The following ANKS1B variants were observed in gnomAD, a reference collection of about 807,000 sequenced individuals.
ANKS1B encodes the protein ankyrin repeat and sterile alpha motif domain containing 1B.
In ANKS1B, 36 loss-of-function variants were observed where a neutral mutation model predicts 148.3. That is an observed-to-expected ratio of 0.24 (90% CI 0.19 to 0.32). The LOEUF (loss-of-function observed/expected upper bound fraction) is 0.32. Ranked by LOEUF, ANKS1B falls within the 10% of genes least tolerant of loss-of-function variation. The pLI, the probability that ANKS1B is intolerant of heterozygous loss-of-function variation, is 1.00. For missense variants in ANKS1B, 1,157 were observed against 1,542.6 expected (o/e 0.75, Z 4.19); for synonymous variants, 542 against 560.8 (o/e 0.97, Z 0.47).
chr12:99,029,712 G>A (rs1407034428), intron 17 of ANKS1B, among the ~76,000 whole-genome samples: 1 of 152,220 alleles, frequency 6.6e-6, no homozygotes, highest in Non-Finnish European at 1.5e-5. Context: ...TTTAACAGAA[G>A]TTCTGGAAGA....
At chr12:99,494,774 A>G (rs1166936588) in intron 10 of ANKS1B, among the ~76,000 whole-genome samples, 1 of 148,770 alleles carries the variant, frequency 6.7e-6, no homozygotes, top group African/African-American at 2.5e-5. Context: ...AAAATTATAG[A>G]GGAGAGAAAG....
At chr12:99,939,403 T>C (rs1232693916) in intron 1 of ANKS1B, among the ~76,000 whole-genome samples, 6 of 152,086 alleles carry the variant, frequency 3.9e-5, no homozygotes, top group Non-Finnish European at 8.8e-5. Context: ...TTTTATTTTT[T>C]CTTTTTTGTA....
intron 2 of ANKS1B, among the ~76,000 whole-genome samples, chr12:99,824,337 T>C (rs1350972742): frequency 6.6e-6 from 1 of 151,684 alleles, no homozygotes; most frequent in Admixed American, 6.6e-5. Flanking sequence ...CCGTCTCTAC[T>C]AAAAATACAA....
At chr12:98,833,422 C>T (rs1487639345) in intron 17 of ANKS1B, among the ~76,000 whole-genome samples, 1 of 152,126 alleles carries the variant, frequency 6.6e-6, no homozygotes, top group East Asian at 1.9e-4. Context: ...AATGTGTTTA[C>T]CTCTTCCCTA....
At chr12:99,116,652 T>G (rs2061496076) in intron 15 of ANKS1B, among the ~76,000 whole-genome samples, 1 of 152,160 alleles carries the variant, frequency 6.6e-6, no homozygotes, top group African/African-American at 2.4e-5. Context: ...ATAAAAAAGA[T>G]TTTGCTTATG....
chr12:98,738,006 C>T (rs1057466678), intron 9 of ANKS1B, among the ~76,000 whole-genome samples: 1 of 152,194 alleles, frequency 6.6e-6, no homozygotes, highest in Non-Finnish European at 1.5e-5. Context: ...ATATACTATA[C>T]AGTTATTAAA....
At chr12:99,553,194 T>A (rs2097240356) in intron 9 of ANKS1B, among the ~76,000 whole-genome samples, 1 of 152,202 alleles carries the variant, frequency 6.6e-6, no homozygotes, top group Non-Finnish European at 1.5e-5. Context: ...CTAAACGAAG[T>A]ATACTAGGTA....
chr12:99,984,078 A>T, intron 1 of ANKS1B, 26 bp downstream of exon 1: 1 of 1,598,480 alleles, frequency 6.3e-7, no homozygotes, highest in Non-Finnish European at 8.5e-7. Context: ...AGGTGTGCCA[A>T]CCCCGGAGCT....
chr12:99,737,733 C>T (rs922521976), intron 8 of ANKS1B, among the ~76,000 whole-genome samples: 1 of 152,008 alleles, frequency 6.6e-6, no homozygotes, highest in Non-Finnish European at 1.5e-5. Context: ...TTTCCTATTT[C>T]CCCCCTACCT....
chr12:99,649,246 CTTGCTGGTCTCACTGTCT>C (rs1253237245), intron 9 of ANKS1B: 10 of 1,438,570 alleles, frequency 7.0e-6, no homozygotes, highest in Non-Finnish European at 9.8e-6. Context: ...GAAAGGAGAT[CTTGCTGGTCTCACTGTCT>C]TTGCTTATTT....
intron 12 of ANKS1B, among the ~76,000 whole-genome samples, chr12:99,269,102 T>TA (rs531056964): frequency 6.6e-6 from 1 of 152,208 alleles, no homozygotes; most frequent in African/African-American, 2.4e-5. Context: ...ATATTTTTTA[T>TA]AAAAATACAT....
intron 8 of ANKS1B, among the ~76,000 whole-genome samples, chr12:99,751,725 T>A (rs1227507816): frequency 6.6e-6 from 1 of 152,108 alleles, no homozygotes; most frequent in Admixed American, 6.6e-5. Context: ...CAGTCTAATA[T>A]ATTCAAGAAC....
intron 9 of ANKS1B, among the ~76,000 whole-genome samples, chr12:99,626,286 T>G (rs1046845086): frequency 6.6e-6 from 1 of 152,206 alleles, no homozygotes; most frequent in Non-Finnish European, 1.5e-5. Context: ...CAATATATTT[T>G]AAGTAGCCAG....
intron 20 of ANKS1B, among the ~76,000 whole-genome samples, chr12:98,805,985 C>T (rs1462849366): frequency 6.6e-6 from 1 of 152,222 alleles, no homozygotes; most frequent in African/African-American, 2.4e-5. Context: ...GATCCTCCTG[C>T]CTCAGTCTCC....
intron 15 of ANKS1B, among the ~76,000 whole-genome samples, chr12:99,140,839 A>G (rs79147076): frequency 0.011 from 1,606 of 152,262 alleles, 29 homozygotes; most frequent in African/African-American, 0.036. Context: ...TTCTCCTAGT[A>G]AACTCTCCTT....
chr12:99,142,460 G>A (rs1444259586), intron 15 of ANKS1B, among the ~76,000 whole-genome samples: 2 of 151,988 alleles, frequency 1.3e-5, no homozygotes, highest in African/African-American at 4.8e-5. Context: ...AGTGGATAGT[G>A]TCTAGAGCAG....
At chr12:99,970,302 A>G (rs185470498) in intron 1 of ANKS1B, among the ~76,000 whole-genome samples, 57 of 152,312 alleles carry the variant, frequency 3.7e-4, no homozygotes, top group African/African-American at 1.2e-3. Context: ...CGATGATGCC[A>G]TTAAAAATAA....
At chr12:99,459,847 A>G (rs970974713) in intron 10 of ANKS1B, among the ~76,000 whole-genome samples, 9 of 152,230 alleles carry the variant, frequency 5.9e-5, no homozygotes, top group African/African-American at 2.2e-4. Context: ...CAATCTACAA[A>G]TTAAATGCAA....
intron 17 of ANKS1B, among the ~76,000 whole-genome samples, chr12:99,008,593 A>G (rs1361978724): frequency 1.3e-5 from 2 of 152,192 alleles, no homozygotes; most frequent in African/African-American, 4.8e-5. Context: ...GTCTGAGCTC[A>G]ACCTGTCTTA....
Sources: gnomAD v4.1 joint callset for allele counts (sites outside exome capture counted in the v4.1 genomes callset) on GRCh38, gnomAD v4.1.1 for gene constraint, MANE v1.5 for transcripts, NCBI Gene and HGNC (gene_info 2026-07-23, HGNC 2026-07-21) for gene names.